The following PLAUR variants were observed in gnomAD, a reference collection of about 807,000 sequenced individuals.
The protein encoded by PLAUR is plasminogen activator, urokinase receptor.
PLAUR carries 22 observed loss-of-function variants against 33.4 expected under a neutral mutation model. That is an observed-to-expected ratio of 0.66 (90% CI 0.47 to 0.94). The LOEUF (loss-of-function observed/expected upper bound fraction) is 0.94. Ranked by LOEUF, PLAUR falls within the 40% of genes least tolerant of loss-of-function variation. The pLI, the probability that PLAUR is intolerant of heterozygous loss-of-function variation, is 0.00. For missense variants in PLAUR, 408 were observed against 434.7 expected (o/e 0.94, Z 0.55); for synonymous variants, 148 against 167.3 (o/e 0.88, Z 0.89).
At chr19:43,653,569 G>C (rs1220575004) in intron 5 of PLAUR, among the ~76,000 whole-genome samples, 1 of 152,180 alleles carries the variant, frequency 6.6e-6, no homozygotes, top group South Asian at 2.1e-4. Context: ...CGAGGCAGGA[G>C]AATCGCTTGA....
At chr19:43,657,419 C>T (rs945901009) in intron 3 of PLAUR, among the ~76,000 whole-genome samples, 4 of 152,232 alleles carry the variant, frequency 2.6e-5, no homozygotes, top group African/African-American at 9.6e-5. Context: ...CCACTACACC[C>T]TGAGACTCTG....
At chr19:43,660,414 C>T (rs1483823946) in intron 3 of PLAUR, 1 of 150,962 alleles carries the variant, frequency 6.6e-6, no homozygotes, top group Non-Finnish European at 1.5e-5. Context: ...ACCTTGTAAT[C>T]CTCCCACCTC....
At chr19:43,669,957 G>C in intron 1 of PLAUR, 109 bp downstream of exon 1, 2 of 983,196 alleles carry the variant, frequency 2.0e-6, no homozygotes, top group Non-Finnish European at 3.1e-6. Flanking sequence ...ATTTGATTAG[G>C]GAGGATGCTG....
chr19:43,670,078 T>C lies in PLAUR; in HGVS notation c.43A>G (p.Thr15Ala), dbSNP rs1426829028. ...ACCCAGCCCCTACCTGGGACGCAGGTGTGGAGCAGCAGCAGCAGCGGCAGC... is the reference window on the plus strand; with the variant it reads ...ACCCAGCCCCTACCTGGGACGCAGGCGTGGAGCAGCAGCAGCAGCGGCAGC... ...PLLPLLLLLHTCVPASWGLRC... is the reference protein window; with the variant it reads ...PLLPLLLLLHACVPASWGLRC... Residue 15 changes from threonine to alanine, a missense_variant, in exon 1 of 7, where the codon ACC (threonine) becomes GCC (alanine). By Grantham distance (58) the Thr-to-Ala change is moderately conservative. Transcript: ENST00000340093. 24 of 1,612,786 alleles carry C rather than the reference T, an allele frequency of 1.5e-5. No homozygotes were observed. Among genetic ancestry groups the C allele is most frequent in the Non-Finnish European group, 1.9e-5 (22 of 1,179,616 alleles).
At chr19:43,658,587 G>A (rs986935909) in intron 3 of PLAUR, among the ~76,000 whole-genome samples, 2 of 152,070 alleles carry the variant, frequency 1.3e-5, no homozygotes, top group Admixed American at 6.6e-5. Context: ...AACTGGATCC[G>A]TTACTTTTCC....
chr19:43,651,813 A>T, intron 6 of PLAUR: 3 of 1,004,076 alleles, frequency 3.0e-6, no homozygotes, highest in Non-Finnish European at 3.6e-6. Flanking sequence ...CCTTTCCAGG[A>T]CACCACAGGA....
In PLAUR at chr19:43,670,160, C is replaced by G. The variant is rs1294769054; in HGVS notation, c.-40G>C. ...TCCTGTGCGCGGGGTCCCTGCACGT[C>G]TTCTCTCCTTCTGGCCTCAGGAAGG... On this transcript the variant is annotated 5_prime_UTR_variant, in exon 1 of 7. Coordinates refer to ENST00000340093, the MANE Select transcript of PLAUR (RefSeq NM_002659.4). 1 of 1,597,010 alleles carries G rather than the reference C, an allele frequency of 6.3e-7. No homozygotes were observed. The highest frequency in any genetic ancestry group is 1.3e-5 in the African/African-American group (1 of 74,570).
At position 43,655,901 on chromosome 19, in the gene PLAUR, C is replaced by T. The variant is rs569165899; in HGVS notation, c.473-328G>A. On this transcript the variant is annotated intron_variant, in intron 4 of 6. Transcript: ENST00000340093. Reference sequence around the variant, plus strand: ...CTTCCTGGAACTTAGATGTGAGACCCGGAGCTCTGGCAGCCATTTTAGACT... The same window carrying T: ...CTTCCTGGAACTTAGATGTGAGACCTGGAGCTCTGGCAGCCATTTTAGACT... Among the ~76,000 whole-genome samples the T allele has an allele frequency of 5.7e-4, 87 of 152,144 alleles. 1 individual carries two copies. The South Asian group carries it at 0.016, about 27-fold the overall frequency.
chr19:43,667,809 G>C (rs774382938), intron 1 of PLAUR, 118 bp from the exon 2 acceptor site: 56 of 1,487,142 alleles, frequency 3.8e-5, no homozygotes, highest in Non-Finnish European at 4.8e-5. Flanking sequence ...ATTCAGATTC[G>C]TGTCCATGTT....
intron 3 of PLAUR, chr19:43,660,750 C>T (rs951934108): frequency 6.6e-6 from 1 of 151,784 alleles, no homozygotes; most frequent in Non-Finnish European, 1.5e-5. Context: ...GTAGTTGGGA[C>T]TACAGACGCA....
At chr19:43,668,028 A>C in intron 1 of PLAUR, 1 of 1,115,974 alleles carries the variant, frequency 9.0e-7, no homozygotes. Flanking sequence ...TCCTGCTCCT[A>C]TTAGGTCTTT....
intron 3 of PLAUR, among the ~76,000 whole-genome samples, chr19:43,658,151 G>A (rs1205890116): frequency 1.3e-5 from 2 of 152,190 alleles, no homozygotes; most frequent in Non-Finnish European, 2.9e-5. Flanking sequence ...ACACATGCCT[G>A]GCTCTCTCAC....
chr19:43,647,663 G>A (rs1380748982), downstream of PLAUR, among the ~76,000 whole-genome samples: 3 of 151,992 alleles, frequency 2.0e-5, no homozygotes, highest in Admixed American at 6.6e-5. Flanking sequence ...AAAATTAGCC[G>A]GGTGTGGTGG....
chr19:43,667,654 G>A lies in PLAUR; in HGVS notation c.93C>T (p.Asn31=). ...CGCACTCTTCCACACGGCAATCCCC[G>A]TTGGTCTTACACTGCATGCACCGCA... is the stretch of plus-strand genomic sequence containing the variant. ...WGLRCMQCKT[N]GDCRVEECAL... The change falls in exon 2 of 7, where the codon AAC becomes AAT. Residue 31 remains asparagine (N), a synonymous_variant. Transcript: ENST00000340093. 1.9e-6 allele frequency: 3 copies of A among 1,613,982 alleles called. No homozygotes were observed. Among genetic ancestry groups the A allele is most frequent in the African/African-American group, 1.3e-5 (1 of 75,032 alleles).
intron 3 of PLAUR, chr19:43,661,469 T>C (rs1225362747): frequency 6.6e-6 from 1 of 151,720 alleles, no homozygotes; most frequent in African/African-American, 2.4e-5. Flanking sequence ...TGATCTTGGC[T>C]CACTGTAACC....
At position 43,648,982 on chromosome 19, in the gene PLAUR, C is replaced by A. The variant is rs1263271337; in HGVS notation, c.916G>T (p.Ala306Ser). The change falls in exon 7 of 7, where the codon GCT (alanine) becomes TCT (serine). Residue 306 changes from alanine to serine, a missense_variant. Coordinates refer to ENST00000340093, the MANE Select transcript of PLAUR (RefSeq NM_002659.4). ...TGGGCAGGGCCAGGCTGAGGAGCAG[C>A]CCCACTGCGGTACTGGACATCCAGG... is the stretch of plus-strand genomic sequence containing the variant. ...PDLDVQYRSG[A>S]APQPGPAHLS... The A allele has an allele frequency of 3.1e-6, 5 of 1,614,112 alleles. No homozygotes were observed. The highest frequency in any genetic ancestry group is 4.2e-6 in the Non-Finnish European group (5 of 1,179,992).
intron 6 of PLAUR, chr19:43,651,710 A>T: frequency 1.5e-6 from 1 of 672,786 alleles, no homozygotes; most frequent in Non-Finnish European, 1.8e-6. Context: ...TGTTGCAATT[A>T]CAGGCGTGAG....
chr19:43,646,574 A>G, downstream of PLAUR: 2 of 715,902 alleles, frequency 2.8e-6, no homozygotes, highest in Non-Finnish European at 5.2e-6. Context: ...TGAAAAATGA[A>G]AGTTTCTTAA....
rs745972219 is a variant in PLAUR, at chr19:43,667,626, G to C, written c.121C>G (p.Leu41Val). 18 of 1,613,958 alleles carry C rather than the reference G, an allele frequency of 1.1e-5. No individual in the cohort carries two copies. In the Admixed American group the frequency reaches 3.0e-4, roughly 27 times the overall value. ...GTGGTCCTGCAGAGGTCCTGTCCCA[G>C]GGCGCACTCTTCCACACGGCAATCC... ...NGDCRVEECA[L>V]GQDLCRTTIV... The change falls in exon 2 of 7, where the codon CTG becomes GTG. Residue 41 changes from leucine (L) to valine (V), a missense_variant. By Grantham distance (32) the Leu-to-Val change is conservative (BLOSUM62 1). Coordinates refer to ENST00000340093, the MANE Select transcript of PLAUR (RefSeq NM_002659.4).
Sources: allele counts gnomAD v4.1 joint callset (sites outside exome capture counted in the v4.1 genomes callset), GRCh38; gene constraint gnomAD v4.1.1; transcripts MANE v1.5; gene names NCBI Gene and HGNC (gene_info 2026-07-23, HGNC 2026-07-21).